Variants in RAB7A observed in about 807,000 individuals in gnomAD.
RAB7A encodes the protein RAB7A, member RAS oncogene family, also known as ras-related protein Rab-7a.
Under a neutral mutation model 24.5 loss-of-function variants are expected in RAB7A, and 2 were observed. That is an observed-to-expected ratio of 0.08 (90% CI 0.03 to 0.26). The LOEUF (loss-of-function observed/expected upper bound fraction) is 0.26. Among genes scored for constraint, RAB7A ranks in the 10% least tolerant of loss-of-function variants. The pLI, the probability that RAB7A is intolerant of heterozygous loss-of-function variation, is 1.00. For synonymous variants in RAB7A, 100 were observed against 95.9 expected (o/e 1.04, Z -0.25); for missense variants, 118 against 255.7 (o/e 0.46, Z 3.67).
chr3:128,769,750 G>A (rs768316882), intron 1 of RAB7A, among the ~76,000 whole-genome samples: 6 of 152,130 alleles, frequency 3.9e-5, no homozygotes, highest in Non-Finnish European at 8.8e-5. Context: ...CGTGAATGAG[G>A]GCAGCTTCCA....
chr3:128,810,789 C>T (rs112358306), intron 5 of RAB7A, among the ~76,000 whole-genome samples: 1,807 of 152,358 alleles, frequency 0.012, 32 homozygotes, highest in African/African-American at 0.039. Flanking sequence ...TGCGGTGGCT[C>T]ATGCCTGTAA....
chr3:128,795,780 C>T (rs1310525447), intron 2 of RAB7A, among the ~76,000 whole-genome samples: 2 of 7,900 alleles, frequency 2.5e-4, no homozygotes, highest in Non-Finnish European at 1.7e-3. Context: ...GAGACAGAGT[C>T]TCGCTCTGTC....
At chr3:128,803,866 CAG>C (rs755344350) in intron 3 of RAB7A, among the ~76,000 whole-genome samples, 26 of 151,636 alleles carry the variant, frequency 1.7e-4, no homozygotes, top group East Asian at 5.8e-4. Context: ...ATAAAAATAA[CAG>C]TGTTAATTTT....
intron 1 of RAB7A, among the ~76,000 whole-genome samples, chr3:128,738,077 G>A (rs1204838086): frequency 6.6e-6 from 1 of 151,816 alleles, no homozygotes; most frequent in Non-Finnish European, 1.5e-5. Flanking sequence ...CTGTTGCCCA[G>A]GCTGGAGTAT....
intron 2 of RAB7A, 127 bp from the exon 3 acceptor site, chr3:128,797,816 C>T (rs1933607860): frequency 1.4e-5 from 15 of 1,052,090 alleles, no homozygotes; most frequent in Non-Finnish European, 2.2e-5. Context: ...ACTGGCATTG[C>T]CCTTTGCTGT....
At chr3:128,796,065 TAGTGCACCATAC>T (rs1933568183) in intron 2 of RAB7A, among the ~76,000 whole-genome samples, 1 of 152,082 alleles carries the variant, frequency 6.6e-6, no homozygotes, top group African/African-American at 2.4e-5. Flanking sequence ...TGTGCGTTCT[TAGTGCACCATAC>T]AGTATCCTCC....
chr3:128,793,145 T>G (rs959125977), intron 1 of RAB7A, among the ~76,000 whole-genome samples: 1 of 152,206 alleles, frequency 6.6e-6, no homozygotes, highest in Admixed American at 6.5e-5. Flanking sequence ...AGCCTCAGCC[T>G]CCTGAGTAGC....
At chr3:128,727,814 G>T (rs916277263) in intron 1 of RAB7A, among the ~76,000 whole-genome samples, 10 of 152,196 alleles carry the variant, frequency 6.6e-5, no homozygotes, top group Admixed American at 6.5e-4. Context: ...TCTCCTCTTA[G>T]TGTGTTTCTC....
intron 1 of RAB7A, among the ~76,000 whole-genome samples, chr3:128,753,084 A>G (rs1469823774): frequency 1.3e-5 from 2 of 152,192 alleles, no homozygotes; most frequent in Non-Finnish European, 2.9e-5. Context: ...CCAGAAGATC[A>G]TCATCGGATT....
At position 128,795,384 on chromosome 3, in the gene RAB7A, A is replaced by C; in HGVS notation, c.17A>C (p.Lys6Thr). MTSRKKVLLKVIILGD... is the reference protein window; with the variant it reads MTSRKTVLLKVIILGD... ...GTTTGAAGGATGACCTCTAGGAAGA[A>C]AGTGTTGCTGAAGGTTATCATCCTG... Residue 6 changes from lysine to threonine, a missense_variant, in exon 2 of 6, where the codon AAA (lysine) becomes ACA (threonine). By Grantham distance (78) the Lys-to-Thr change is moderately conservative. Around this residue, in one of 2 missense-constraint regions of RAB7A, gnomAD observed 52 missense variants for 173.5 expected, o/e 0.30. Transcript: ENST00000265062. 6.2e-7 allele frequency: 1 copy of C among 1,613,448 alleles called. No homozygotes were observed. The highest frequency in any genetic ancestry group is 8.5e-7 in the Non-Finnish European group (1 of 1,179,388).
In RAB7A at chr3:128,813,777, GGAGA is replaced by G. The variant is rs201899446; in HGVS notation, c.*364_*367del. ...TGGAAGCTTATTCTTTTTGTTCACT[GGAGA>G]GAGAGAGAACTGTTTACAGTTAATC... On this transcript the variant is annotated 3_prime_UTR_variant, in exon 6 of 6. Coordinates refer to ENST00000265062, the MANE Select transcript of RAB7A (RefSeq NM_004637.6). 8 of 355,498 alleles carry G rather than the reference GGAGA, an allele frequency of 2.3e-5. No individual in the cohort carries two copies. The highest frequency in any genetic ancestry group is 7.7e-5 in the Admixed American group (2 of 25,846). The allele number at this position is 355,498 out of a possible 1,614,324, so 22.0% of individuals were successfully genotyped here. A position where few individuals can be genotyped will look rare whatever the true frequency, so the allele number is the denominator to read the frequency against.
At chr3:128,776,168 C>T (rs1037057708) in intron 1 of RAB7A, among the ~76,000 whole-genome samples, 2 of 152,174 alleles carry the variant, frequency 1.3e-5, no homozygotes, top group Non-Finnish European at 2.9e-5. Flanking sequence ...GCTTATTTCA[C>T]TAAATGTAAT....
intron 1 of RAB7A, among the ~76,000 whole-genome samples, chr3:128,777,692 G>A (rs1301602213): frequency 6.6e-6 from 1 of 152,124 alleles, no homozygotes; most frequent in Admixed American, 6.6e-5. Context: ...GCTCAGCCAA[G>A]GACTCTATAA....
rs890675372 is a variant in RAB7A, at chr3:128,813,740, T to C, written c.*318T>C. The stretch of plus-strand genomic sequence containing the variant: ...GCCAGCGGTGGAAGTCATTCTGATA[T>C]GGAGTTGGCATTGGAAGCTTATTCT... On this transcript the variant is annotated 3_prime_UTR_variant, in exon 6 of 6. Coordinates refer to ENST00000265062, the MANE Select transcript of RAB7A (RefSeq NM_004637.6). 1.1e-4 allele frequency: 47 copies of C among 413,168 alleles called. No individual in the cohort carries two copies. Among genetic ancestry groups the C allele is most frequent in the East Asian group, 4.3e-4 (8 of 18,706 alleles). The allele number at this position is 413,168 out of a possible 1,614,324, so 25.6% of individuals were successfully genotyped here.
intron 1 of RAB7A, among the ~76,000 whole-genome samples, chr3:128,783,152 G>A (rs151045799): frequency 0.012 from 1,806 of 152,226 alleles, 32 homozygotes; most frequent in African/African-American, 0.039. Context: ...GCACTACTGG[G>A]ATTAGGAATT....
intron 1 of RAB7A, among the ~76,000 whole-genome samples, chr3:128,737,352 T>G (rs1196963936): frequency 7.5e-6 from 1 of 133,144 alleles, no homozygotes; most frequent in Non-Finnish European, 1.6e-5. Context: ...TTTTTTTTTT[T>G]TTTTTTGAGA....
At chr3:128,726,554 G>C (rs2070380620) in intron 1 of RAB7A, among the ~76,000 whole-genome samples, 195 bp downstream of exon 1, 2 of 152,222 alleles carry the variant, frequency 1.3e-5, no homozygotes, top group East Asian at 3.9e-4. Flanking sequence ...GTCGGAGGTC[G>C]TCGGGCGTGA....
intron 1 of RAB7A, among the ~76,000 whole-genome samples, chr3:128,763,876 G>A (rs896527476): frequency 9.6e-4 from 56 of 58,594 alleles, no homozygotes; most frequent in South Asian, 1.3e-3. Flanking sequence ...CCCCCCCCCC[G>A]CCCCTGCTTT....
intron 1 of RAB7A, among the ~76,000 whole-genome samples, chr3:128,732,511 T>C (rs2070448997): frequency 6.6e-6 from 1 of 152,160 alleles, no homozygotes; most frequent in Non-Finnish European, 1.5e-5. Context: ...TATACTTTCA[T>C]ACCTTCCTTT....
Sources: allele counts gnomAD v4.1 joint callset (sites outside exome capture counted in the v4.1 genomes callset), GRCh38; gene constraint gnomAD v4.1.1; regional missense constraint gnomAD v4.1.1; transcripts MANE v1.5; gene names NCBI Gene and HGNC (gene_info 2026-07-23, HGNC 2026-07-21).